KIF20B: variants seen among roughly 807,000 people sequenced by gnomAD.
KIF20B encodes kinesin family member 20B, also known as kinesin-like protein KIF20B.
A neutral mutation model predicts 232.5 loss-of-function variants in KIF20B; 188 were observed. The observed-to-expected ratio is 0.81, with a 90% CI of 0.72 to 0.91. The LOEUF is 0.91. Ranked by LOEUF, KIF20B falls within the 40% of genes least tolerant of loss-of-function variation. The pLI is 0.00. For missense variants in KIF20B, 2,154 were observed against 2,055.9 expected (o/e 1.05, Z -0.92); for synonymous variants, 712 against 683.0 (o/e 1.04, Z -0.66).
rs773802754 is a variant in KIF20B, at chr10:89,718,894, C to G, written c.1434+22C>G. ...AAAAGTAAATATTTATTTTATTAAG[C>G]CTCTTATTATTAGAATATTAACAGT... On this transcript the variant is annotated intron_variant, in intron 12 of 32. Coordinates refer to ENST00000371728, the MANE Select transcript of KIF20B (RefSeq NM_001284259.2). 30 of 1,385,938 alleles carry G rather than the reference C, an allele frequency of 2.2e-5. No individual in the cohort carries two copies. In the South Asian group the frequency reaches 3.6e-4, roughly 17 times the overall value. The allele number at this position is 1,385,938 out of a possible 1,614,324, so 85.9% of individuals were successfully genotyped here. A position where few individuals can be genotyped will look rare whatever the true frequency, so the allele number is the denominator to read the frequency against.
intron 11 of KIF20B, among the ~76,000 whole-genome samples, chr10:89,718,051 T>C (rs1842970899): frequency 6.6e-6 from 1 of 152,206 alleles, no homozygotes; most frequent in South Asian, 2.1e-4. Context: ...CTAGATGCAA[T>C]AGATTTTTAC....
intron 25 of KIF20B, 118 bp downstream of exon 25, chr10:89,752,809 C>A: frequency 3.1e-6 from 2 of 645,634 alleles, no homozygotes; most frequent in East Asian, 3.9e-5. Context: ...GAAATAATAC[C>A]TGGCAAATGT....
intron 26 of KIF20B, among the ~76,000 whole-genome samples, chr10:89,755,516 GTCC>G (rs1482446965): frequency 8.3e-5 from 11 of 132,236 alleles, no homozygotes; most frequent in African/African-American, 3.2e-4. Flanking sequence ...TCTTCATCCT[GTCC>G]TCCTTCTTCC....
At chr10:89,750,385 A>G (rs1841997886) in intron 23 of KIF20B, among the ~76,000 whole-genome samples, 1 of 152,162 alleles carries the variant, frequency 6.6e-6, no homozygotes, top group Non-Finnish European at 1.5e-5. Flanking sequence ...GGTGACTTTA[A>G]TCCTAGGAGG....
chr10:89,754,939 T>C (rs1359330675), intron 26 of KIF20B, among the ~76,000 whole-genome samples: 1 of 152,248 alleles, frequency 6.6e-6, no homozygotes, highest in Non-Finnish European at 1.5e-5. Flanking sequence ...CTCTTCCTTT[T>C]GACCGTTACA....
intron 29 of KIF20B, chr10:89,766,396 A>G (rs1317516795): frequency 1.3e-5 from 2 of 152,680 alleles, no homozygotes; most frequent in Non-Finnish European, 2.9e-5. Context: ...ACAGGAGGAA[A>G]TTCAAACCAA....
At chr10:89,727,783 G>T in intron 16 of KIF20B, 73 bp from the exon 17 acceptor site, 1 of 1,310,912 alleles carries the variant, frequency 7.6e-7, no homozygotes. Context: ...AGCAGCATAT[G>T]TTTCATAGTT....
At chr10:89,712,967 A>G (rs1842863249) in intron 6 of KIF20B, among the ~76,000 whole-genome samples, 2 of 152,182 alleles carry the variant, frequency 1.3e-5, no homozygotes, top group African/African-American at 2.4e-5. Context: ...GTCTGTGACT[A>G]TGGTCTCTGA....
intron 11 of KIF20B, among the ~76,000 whole-genome samples, chr10:89,718,403 C>T (rs1277263325): frequency 6.6e-6 from 1 of 151,992 alleles, no homozygotes; most frequent in African/African-American, 2.4e-5. Context: ...CCCTGCTACC[C>T]TGGAGGCAGA....
rs142367984 is a variant in KIF20B, at chr10:89,774,823, C to T, written c.*775C>T. The T allele has an allele frequency of 6.6e-6, 1 of 152,078 alleles. No homozygotes were observed. The highest frequency in any genetic ancestry group is 1.9e-4 in the East Asian group (1 of 5,182). The allele number at this position is 152,078 out of a possible 1,614,324, so 9.4% of individuals were successfully genotyped here. Reference sequence around the variant, plus strand: ...GTACCCATTAACCATCCCCACCTCCCCCTGCAACCGTCAGTACCCTTACCA... The same window carrying T: ...GTACCCATTAACCATCCCCACCTCCTCCTGCAACCGTCAGTACCCTTACCA... On this transcript the variant is annotated 3_prime_UTR_variant, in exon 33 of 33. Transcript: ENST00000371728.
Position 89,743,811 on chromosome 10 carries a change from T to C in KIF20B, c.3919T>C (p.Ser1307Pro). The change falls in exon 22 of 33, where the codon TCT (serine) becomes CCT (proline). Residue 1307 changes from serine to proline, a missense_variant. By Grantham distance (74) the Ser-to-Pro change is moderately conservative (BLOSUM62 -1). Transcript: ENST00000371728. The stretch of plus-strand genomic sequence containing the variant: ...TTTTATAAACATTATTTTGTAGGTA[T>C]CTGTAATGCGTGATGAGGATAAATT... ...KQIKQVQKEV[S>P]VMRDEDKLLR... The C allele has an allele frequency of 6.9e-7, 1 of 1,446,940 alleles. No individual in the cohort carries two copies. Among genetic ancestry groups the C allele is most frequent in the Non-Finnish European group, 9.4e-7 (1 of 1,069,454 alleles). The allele number at this position is 1,446,940 out of a possible 1,614,324, so 89.6% of individuals were successfully genotyped here. A position where few individuals can be genotyped will look rare whatever the true frequency, so the allele number is the denominator to read the frequency against.
At chr10:89,759,529 A>C (rs1286084780) in intron 27 of KIF20B, among the ~76,000 whole-genome samples, 1 of 152,114 alleles carries the variant, frequency 6.6e-6, no homozygotes, top group Non-Finnish European at 1.5e-5. Context: ...TCACATCAAA[A>C]GACTATTATT....
At chr10:89,719,271 G>A in intron 12 of KIF20B, 148 bp from the exon 13 acceptor site, 1 of 572,998 alleles carries the variant, frequency 1.7e-6, no homozygotes, top group Admixed American at 3.5e-5. Context: ...TGTTCTTTTA[G>A]GGATGGTGAT....
At chr10:89,719,728 T>A in intron 13 of KIF20B, 22 bp downstream of exon 13, 2 of 1,537,716 alleles carry the variant, frequency 1.3e-6, no homozygotes, top group East Asian at 4.5e-5. Flanking sequence ...GAACTCATAC[T>A]TCTATGCTTG....
intron 15 of KIF20B, among the ~76,000 whole-genome samples, chr10:89,725,693 C>T (rs771973293): frequency 2.2e-4 from 34 of 152,172 alleles, no homozygotes; most frequent in Non-Finnish European, 4.1e-4. Context: ...TCCTGCCCAG[C>T]CTCCCAGGTG....
Position 89,732,829 on chromosome 10 carries a change from A to C in KIF20B, c.2392-74A>C, listed in dbSNP as rs544006002. ...ATAAAATTTTTATGGTACACCATTG[A>C]AAGTAATTTATGTGATTTGTACATT... On this transcript the variant is annotated intron_variant, in intron 18 of 32. Coordinates refer to ENST00000371728, the MANE Select transcript of KIF20B (RefSeq NM_001284259.2). 92 of 1,300,364 alleles carry C rather than the reference A, an allele frequency of 7.1e-5. No homozygotes were observed. The South Asian group carries it at 1.2e-3, about 17-fold the overall frequency. 80.6% of individuals were successfully genotyped at this position (1,300,364 alleles called of 1,614,324 possible). A position where few individuals can be genotyped will look rare whatever the true frequency, so the allele number is the denominator to read the frequency against.
chr10:89,746,948 G>A (rs985891895), intron 23 of KIF20B, among the ~76,000 whole-genome samples: 11 of 152,096 alleles, frequency 7.2e-5, no homozygotes, highest in Non-Finnish European at 1.0e-4. Context: ...TTCTTGTAAT[G>A]GCCAGTATTT....
At chr10:89,706,214 T>G (rs1293090490) in intron 2 of KIF20B, among the ~76,000 whole-genome samples, 1 of 152,190 alleles carries the variant, frequency 6.6e-6, no homozygotes, top group Non-Finnish European at 1.5e-5. Context: ...TGTTGTGGTT[T>G]TAGTTTGCCC....
At chr10:89,743,780 C>T in intron 21 of KIF20B, 28 bp from the exon 22 acceptor site, 1 of 1,327,218 alleles carries the variant, frequency 7.5e-7, no homozygotes, top group South Asian at 1.6e-5. Context: ...TAAAATATTC[C>T]ATTTGTTTTA....
Sources: gnomAD v4.1 joint callset for allele counts (sites outside exome capture counted in the v4.1 genomes callset) on GRCh38, gnomAD v4.1.1 for gene constraint, MANE v1.5 for transcripts, NCBI Gene and HGNC (gene_info 2026-07-23, HGNC 2026-07-21) for gene names.